BTN3A2: variants seen among roughly 807,000 people sequenced by gnomAD.
BTN3A2 encodes the protein butyrophilin protein.
Under a neutral mutation model 37.6 loss-of-function variants are expected in BTN3A2, and 25 were observed. That is an observed-to-expected ratio of 0.66 (90% CI 0.48 to 0.93). BTN3A2 has a LOEUF of 0.93. BTN3A2 is among the 40% of genes least tolerant of loss of function. The pLI, the probability that BTN3A2 is intolerant of heterozygous loss-of-function variation, is 0.00. For missense variants in BTN3A2, 266 were observed against 410.9 expected, an observed-to-expected ratio of 0.65 and a Z score of 3.05; for synonymous variants, 122 against 159.4, an observed-to-expected ratio of 0.77 and a Z score of 1.77.
At chr6:26,371,445 T>TGAG (rs1165765483) in intron 5 of BTN3A2, among the ~76,000 whole-genome samples, 2 of 152,258 alleles carry the variant, frequency 1.3e-5, no homozygotes, top group African/African-American at 4.8e-5. Flanking sequence ...CTTTGGCTTA[T>TGAG]AATACATGAT....
Position 26,374,308 on chromosome 6 carries a change from T to C in BTN3A2, c.965-19T>C, listed in dbSNP as rs762311111. The C allele has an allele frequency of 1.4e-5, 22 of 1,551,750 alleles. No individual in the cohort carries two copies. Among genetic ancestry groups the C allele is most frequent in the Non-Finnish European group, 1.9e-5 (22 of 1,144,160 alleles). On this transcript the variant is annotated intron_variant, in intron 8 of 10. Transcript: ENST00000377708. ...AAAGGCAGAGTTCTGGTGACACCTC[T>C]ACCTTTCTTTCATTGTAGGTGGAGA...
At chr6:26,366,426 C>T (rs566623766) in intron 1 of BTN3A2, among the ~76,000 whole-genome samples, 2 of 152,266 alleles carry the variant, frequency 1.3e-5, no homozygotes, top group Non-Finnish European at 2.9e-5. Context: ...TTTCCACTTC[C>T]ATTAGCAAAG....
intron 9 of BTN3A2, 116 bp downstream of exon 9, chr6:26,374,489 G>A (rs1760503065): frequency 1.7e-6 from 2 of 1,172,924 alleles, no homozygotes; most frequent in Admixed American, 2.0e-5. Context: ...CTGTGTGGTG[G>A]GGGTTCACCT....
Position 26,368,833 on chromosome 6 carries a change from C to T in BTN3A2, c.354C>T (p.Ala118=). Residue 118 remains alanine, a synonymous_variant, in exon 4 of 11, where the codon GCC becomes GCT. Transcript: ENST00000377708. ...KAALRIHNVT[A]SDSGKYLCYF... ...CTCTCCGAATACACAACGTCACAGC[C>T]TCTGACAGTGGAAAGTACTTGTGTT... 6.2e-7 allele frequency: 1 copy of T among 1,606,332 alleles called. No homozygotes were observed. Among genetic ancestry groups the T allele is most frequent in the Non-Finnish European group, 8.5e-7 (1 of 1,175,782 alleles).
chr6:26,366,199 C>G (rs889337013), intron 1 of BTN3A2, among the ~76,000 whole-genome samples: 6 of 146,912 alleles, frequency 4.1e-5, no homozygotes, highest in African/African-American at 1.5e-4. Context: ...ATAAAAAACC[C>G]GAATTATTTT....
rs71544679 is a variant in BTN3A2, at chr6:26,376,215, G to GA, written c.*474dup. 6.4e-3 allele frequency: 484 copies of GA among 75,408 alleles called. 1 individual carries two copies. Among genetic ancestry groups the GA allele is most frequent in the South Asian group, 0.022 (48 of 2,188 alleles). 4.7% of individuals were successfully genotyped at this position (75,408 alleles called of 1,614,324 possible). ...GAGACAGAGCGAGACTCTGTCTCAA[G>GA]AAAAAAAAAAAAAAAAAAAAAGAAA... On this transcript the variant is annotated 3_prime_UTR_variant, in exon 11 of 11. Coordinates refer to ENST00000377708, the MANE Select transcript of BTN3A2 (RefSeq NM_007047.5).
chr6:26,374,039 A>C, intron 8 of BTN3A2: 1 of 371,978 alleles, frequency 2.7e-6, no homozygotes, highest in South Asian at 4.8e-5. Flanking sequence ...ACCTATGCCC[A>C]GGTACACATT....
chr6:26,369,800 T>C (rs1451837540), intron 4 of BTN3A2, among the ~76,000 whole-genome samples: 2 of 152,206 alleles, frequency 1.3e-5, no homozygotes, highest in Non-Finnish European at 2.9e-5. Flanking sequence ...TTGCTTATGT[T>C]CAACAGGATG....
intron 4 of BTN3A2, among the ~76,000 whole-genome samples, chr6:26,369,488 C>T (rs116651795): frequency 0.018 from 2,814 of 152,146 alleles, 39 homozygotes; most frequent in Middle Eastern, 0.037. Flanking sequence ...GGATTGGGGC[C>T]GGGGGAGTTC....
chr6:26,365,249 C>T lies in BTN3A2; in HGVS notation c.-170C>T. 1.4e-6 allele frequency: 2 copies of T among 1,468,524 alleles called. No homozygotes were observed. The highest frequency in any genetic ancestry group is 2.5e-5 in the East Asian group (1 of 40,498). The allele number at this position is 1,468,524 out of a possible 1,614,324, so 91.0% of individuals were successfully genotyped here. ...AGACAATATTTGCTTTCTCTTTTTC[C>T]TTTCTTCCGGATGAGAGGCTAAGCC... On this transcript the variant is annotated 5_prime_UTR_variant, in exon 1 of 11. Coordinates refer to ENST00000377708, the MANE Select transcript of BTN3A2 (RefSeq NM_007047.5).
At chr6:26,373,586 T>TAAAA in intron 8 of BTN3A2, 173 bp downstream of exon 8, 1 of 174,168 alleles carries the variant, frequency 5.7e-6, no homozygotes, top group Admixed American at 8.8e-5. Flanking sequence ...TTTTTCTCTC[T>TAAAA]AGAAAAAAAA....
intron 7 of BTN3A2, 23 bp from the exon 8 acceptor site, chr6:26,373,364 C>T: frequency 6.3e-7 from 1 of 1,599,562 alleles, no homozygotes; most frequent in Non-Finnish European, 8.5e-7. Context: ...CTTGATGACT[C>T]TTCCCTGTTC....
Position 26,377,196 on chromosome 6 carries a change from G to C in BTN3A2, c.*1434G>C. The C allele has an allele frequency of 2.5e-6, 3 of 1,177,584 alleles. No homozygotes were observed. The highest frequency in any genetic ancestry group is 3.8e-6 in the Non-Finnish European group (3 of 784,940). The allele number at this position is 1,177,584 out of a possible 1,614,324, so 72.9% of individuals were successfully genotyped here. ...AGCTAATGAAAGTGGGGAGCCTCAG[G>C]CTGAAGTAACATCTCTGCTTCTCCC... On this transcript the variant is annotated 3_prime_UTR_variant, in exon 11 of 11. Coordinates refer to ENST00000377708, the MANE Select transcript of BTN3A2 (RefSeq NM_007047.5).
chr6:26,370,670 T>C (rs987241308), intron 5 of BTN3A2, 67 bp downstream of exon 5: 2 of 1,597,276 alleles, frequency 1.3e-6, no homozygotes, highest in Non-Finnish European at 1.7e-6. Flanking sequence ...GGGGATGTGT[T>C]AATATCTGTG....
intron 4 of BTN3A2, 74 bp from the exon 5 acceptor site, chr6:26,370,248 T>C (rs1431050912): frequency 6.6e-7 from 1 of 1,510,734 alleles, no homozygotes; most frequent in East Asian, 2.3e-5. Context: ...AATCTGAGCC[T>C]GACATTGATT....
chr6:26,377,098 C>A lies in BTN3A2; in HGVS notation c.*1336C>A. 2 of 1,331,934 alleles carry A rather than the reference C, an allele frequency of 1.5e-6. No homozygotes were observed. The highest frequency in any genetic ancestry group is 2.2e-6 in the Non-Finnish European group (2 of 924,052). 82.5% of individuals were successfully genotyped at this position (1,331,934 alleles called of 1,614,324 possible). On this transcript the variant is annotated 3_prime_UTR_variant, in exon 11 of 11. Coordinates refer to ENST00000377708, the MANE Select transcript of BTN3A2 (RefSeq NM_007047.5). The stretch of plus-strand genomic sequence containing the variant: ...ACTGCCCTGACCGTTTGCCCAATAC[C>A]AAAAGTAGAGAGTTCCCCCGATCCC...
chr6:26,369,958 G>A (rs1480938921), intron 4 of BTN3A2, among the ~76,000 whole-genome samples: 1 of 152,136 alleles, frequency 6.6e-6, no homozygotes, highest in Non-Finnish European at 1.5e-5. Flanking sequence ...AAGAAGTCTG[G>A]GTGCTTATTC....
rs1425118995 is a variant in BTN3A2 at position 26,373,384 on chromosome 6, C to A, written c.938-3C>A. 3.1e-6 allele frequency: 5 copies of A among 1,599,380 alleles called. No individual in the cohort carries two copies. The highest frequency in any genetic ancestry group is 4.3e-6 in the Non-Finnish European group (5 of 1,176,028). The stretch of plus-strand genomic sequence containing the variant: ...TGACTCTTCCCTGTTCATTCCATTG[C>A]AGAGAGGAAAAAAATCCAGTACTTG... On this transcript the variant is annotated splice_region_variant and splice_polypyrimidine_tract_variant and intron_variant, in intron 7 of 10. Coordinates refer to ENST00000377708, the MANE Select transcript of BTN3A2 (RefSeq NM_007047.5).
rs1160625802 is a variant in BTN3A2, at chr6:26,376,357, G to A, written c.*595G>A. The A allele has an allele frequency of 6.4e-6, 2 of 310,534 alleles. No homozygotes were observed. The highest frequency in any genetic ancestry group is 4.3e-5 in the African/African-American group (2 of 46,824). 19.2% of individuals were successfully genotyped at this position (310,534 alleles called of 1,614,324 possible). On this transcript the variant is annotated 3_prime_UTR_variant, in exon 11 of 11. Transcript: ENST00000377708. ...TCTTGGGGCCGCATCAGGGTATTGGGTTAGGCAGATACTGACCTTACTTTC... is the reference window on the plus strand; with the variant it reads ...TCTTGGGGCCGCATCAGGGTATTGGATTAGGCAGATACTGACCTTACTTTC...
Sources: gnomAD v4.1 joint callset for allele counts (sites outside exome capture counted in the v4.1 genomes callset) on GRCh38, gnomAD v4.1.1 for gene constraint, MANE v1.5 for transcripts, NCBI Gene and HGNC (gene_info 2026-07-23, HGNC 2026-07-21) for gene names.